Variants in HIVEP3 observed in about 807,000 individuals in gnomAD.
The protein encoded by HIVEP3 is transcription factor HIVEP3.
In HIVEP3, 49 loss-of-function variants were observed where a neutral mutation model predicts 152.8. The ratio of observed to expected loss-of-function variants is 0.32; its 90% CI spans 0.26 to 0.41. The LOEUF (loss-of-function observed/expected upper bound fraction) is 0.41. HIVEP3 is among the 10% of genes least tolerant of loss of function. HIVEP3 has a pLI of 1.00. For synonymous variants in HIVEP3, 1,269 were observed against 1,289.0 expected (o/e 0.98, Z 0.33); for missense variants, 2,790 against 3,103.3 (o/e 0.90, Z 2.40).
intron 5 of HIVEP3, among the ~76,000 whole-genome samples, chr1:41,525,323 G>A (rs904938804): frequency 5.9e-5 from 9 of 152,164 alleles, no homozygotes; most frequent in African/African-American, 7.2e-5. Flanking sequence ...TCGGGCAGCC[G>A]CCATTCACCA....
At chr1:41,955,268 G>A (rs574845178) in intron 1 of HIVEP3, among the ~76,000 whole-genome samples, 7 of 151,992 alleles carry the variant, frequency 4.6e-5, no homozygotes, top group Admixed American at 1.3e-4. Context: ...GGTGGGAGCC[G>A]TTTTAGAAAA....
intron 1 of HIVEP3, among the ~76,000 whole-genome samples, chr1:41,947,170 A>T (rs964714245): frequency 2.6e-5 from 4 of 152,186 alleles, no homozygotes; most frequent in African/African-American, 9.7e-5. Context: ...TTTGGCCAGG[A>T]ATTAGCCCAA....
chr1:41,576,536 G>C (rs1048807191), intron 4 of HIVEP3, among the ~76,000 whole-genome samples: 13 of 152,212 alleles, frequency 8.5e-5, no homozygotes, highest in Non-Finnish European at 1.8e-4. Flanking sequence ...GGCTGGGAGT[G>C]AGAATTTCCT....
At chr1:41,651,671 A>G (rs542386074) in intron 2 of HIVEP3, among the ~76,000 whole-genome samples, 1 of 152,366 alleles carries the variant, frequency 6.6e-6, no homozygotes, top group East Asian at 1.9e-4. Flanking sequence ...TTCCCCATGG[A>G]TACCAAGGGA....
At chr1:41,739,125 A>G (rs1238153140) in intron 1 of HIVEP3, among the ~76,000 whole-genome samples, 3 of 152,218 alleles carry the variant, frequency 2.0e-5, no homozygotes, top group African/African-American at 4.8e-5. Flanking sequence ...TTGCTGCCGC[A>G]AAGTGTGGCA....
At chr1:41,775,228 T>G (rs898759570) in intron 1 of HIVEP3, among the ~76,000 whole-genome samples, 1 of 152,224 alleles carries the variant, frequency 6.6e-6, no homozygotes, top group African/African-American at 2.4e-5. Context: ...TCCATCATAT[T>G]CTGGATACAA....
intron 1 of HIVEP3, among the ~76,000 whole-genome samples, chr1:41,902,836 C>A (rs145048083): frequency 6.6e-6 from 1 of 152,140 alleles, no homozygotes; most frequent in Admixed American, 6.5e-5. Context: ...GTTTCTATTC[C>A]GGTAAAGAAT....
intron 5 of HIVEP3, among the ~76,000 whole-genome samples, chr1:41,528,209 A>ACGTT: frequency 1.1e-5 from 1 of 91,428 alleles, no homozygotes; most frequent in Non-Finnish European, 2.2e-5. Flanking sequence ...CCCTGCCCTC[A>ACGTT]CACCTTCACA....
intron 5 of HIVEP3, among the ~76,000 whole-genome samples, chr1:41,545,294 CACCACCTCT>C (rs1305830106): frequency 1.5e-5 from 2 of 132,660 alleles, no homozygotes; most frequent in East Asian, 4.2e-4. Flanking sequence ...CCACCACCAT[CACCACCTCT>C]ACCACCATCG....
intron 1 of HIVEP3, among the ~76,000 whole-genome samples, chr1:41,822,871 T>C (rs1642649735): frequency 6.6e-6 from 1 of 152,238 alleles, no homozygotes. Flanking sequence ...TCAGCATTCA[T>C]GTTCTAGTCC....
At chr1:41,894,438 T>G (rs1380720570) in intron 1 of HIVEP3, among the ~76,000 whole-genome samples, 1 of 152,226 alleles carries the variant, frequency 6.6e-6, no homozygotes, top group African/African-American at 2.4e-5. Flanking sequence ...TAGTCTCTCC[T>G]ATCAAGGTGT....
intron 3 of HIVEP3, among the ~76,000 whole-genome samples, chr1:41,597,321 A>G (rs1644681504): frequency 6.6e-6 from 1 of 152,176 alleles, no homozygotes; most frequent in Non-Finnish European, 1.5e-5. Context: ...AGATCAAGCA[A>G]TGATGTAGCA....
chr1:41,724,893 G>T (rs1187590096), intron 1 of HIVEP3, among the ~76,000 whole-genome samples: 1 of 152,236 alleles, frequency 6.6e-6, no homozygotes, highest in Non-Finnish European at 1.5e-5. Flanking sequence ...GCCTGTGAAT[G>T]ACTCCGGTTG....
At chr1:41,719,012 A>G (rs531857462) in intron 1 of HIVEP3, among the ~76,000 whole-genome samples, 1 of 152,352 alleles carries the variant, frequency 6.6e-6, no homozygotes, top group East Asian at 1.9e-4. Flanking sequence ...GCAACAGCCC[A>G]TGGCCAAGTG....
intron 5 of HIVEP3, among the ~76,000 whole-genome samples, chr1:41,536,343 A>T (rs1643400340): frequency 6.6e-6 from 1 of 152,234 alleles, no homozygotes; most frequent in Admixed American, 6.5e-5. Flanking sequence ...GGACACGTCC[A>T]GCACACCGAC....
chr1:41,880,370 G>C (rs912187274), intron 1 of HIVEP3, among the ~76,000 whole-genome samples: 3 of 152,184 alleles, frequency 2.0e-5, no homozygotes, highest in Non-Finnish European at 4.4e-5. Flanking sequence ...GTAGGGCTGA[G>C]ATTTGAACCT....
intron 1 of HIVEP3, among the ~76,000 whole-genome samples, chr1:41,970,684 G>A (rs767888423): frequency 8.6e-5 from 13 of 152,024 alleles, no homozygotes; most frequent in South Asian, 2.1e-4. Flanking sequence ...ACAGTACCCC[G>A]CAATTTAAAA....
At chr1:41,811,487 T>C (rs1414447537) in intron 1 of HIVEP3, among the ~76,000 whole-genome samples, 1 of 152,010 alleles carries the variant, frequency 6.6e-6, no homozygotes, top group African/African-American at 2.4e-5. Flanking sequence ...ATTCTAAGCA[T>C]TTTATATGCA....
chr1:41,904,158 A>G (rs898712393), intron 1 of HIVEP3, among the ~76,000 whole-genome samples: 1 of 151,922 alleles, frequency 6.6e-6, no homozygotes, highest in Non-Finnish European at 1.5e-5. Context: ...CGGCCTCCCA[A>G]AGTCTTGGGA....
Sources: allele counts gnomAD v4.1 joint callset (sites outside exome capture counted in the v4.1 genomes callset), GRCh38; gene constraint gnomAD v4.1.1; transcripts MANE v1.5; gene names NCBI Gene and HGNC (gene_info 2026-07-23, HGNC 2026-07-21).